SMURF1: variants seen among roughly 807,000 people sequenced by gnomAD.
The protein encoded by SMURF1 is SMAD specific E3 ubiquitin protein ligase 1, also known as E3 ubiquitin-protein ligase SMURF1.
SMURF1 carries 44 observed loss-of-function variants against 98.0 expected under a neutral mutation model. The observed-to-expected ratio is 0.45, with a 90% CI of 0.35 to 0.58. The LOEUF (loss-of-function observed/expected upper bound fraction) is 0.58. SMURF1 is among the 20% of genes least tolerant of loss of function. SMURF1 has a pLI of 0.00. For missense variants in SMURF1, 687 were observed against 938.4 expected (o/e 0.73, Z 3.50); for synonymous variants, 396 against 374.9 (o/e 1.06, Z -0.65).
At chr7:99,089,852 C>T (rs1796771843) in intron 1 of SMURF1, among the ~76,000 whole-genome samples, 1 of 152,156 alleles carries the variant, frequency 6.6e-6, no homozygotes, top group Non-Finnish European at 1.5e-5. Context: ...GCAAACCCAC[C>T]TACATGGATC....
chr7:99,066,784 G>GAAAAAAAAAA (rs111395590), intron 1 of SMURF1, among the ~76,000 whole-genome samples: 1 of 92,568 alleles, frequency 1.1e-5, no homozygotes, highest in African/African-American at 4.0e-5. Flanking sequence ...GTCTCAAAAA[G>GAAAAAAAAAA]AAAAAAAAAA....
Position 99,040,479 on chromosome 7 carries a change from G to C in SMURF1, c.1449C>G (p.Gly483=), listed in dbSNP as rs372398620. 9 of 1,589,798 alleles carry C rather than the reference G, an allele frequency of 5.7e-6. No individual in the cohort carries two copies. Among genetic ancestry groups the C allele is most frequent in the South Asian group, 1.1e-5 (1 of 87,378 alleles). ...AVFHGHYING[G]FTVPFYKQLL... is the part of the protein sequence containing the mutation. ...GCTGCTTGTAGAAGGGCACTGTGAA[G>C]CCCCCGTTGATGTAGTGTCCATGGA... The change falls in exon 13 of 18, where the codon GGC becomes GGG. Residue 483 remains glycine (G), a synonymous_variant. Transcript: ENST00000361368.
At chr7:99,042,265 G>T in intron 11 of SMURF1, 33 bp from the exon 12 acceptor site, 2 of 1,467,822 alleles carry the variant, frequency 1.4e-6, no homozygotes, top group Non-Finnish European at 9.4e-7. Context: ...CATTTGAGAC[G>T]CGCTAAAATT....
At chr7:99,035,214 C>T (rs1239629973) in intron 16 of SMURF1, among the ~76,000 whole-genome samples, 5 of 152,232 alleles carry the variant, frequency 3.3e-5, no homozygotes, top group Middle Eastern at 3.2e-3. Context: ...GCTGGCCTCA[C>T]AGACACTCTG....
rs1439013987 is a variant in SMURF1, at chr7:99,033,071, C to T, written c.2062G>A (p.Ala688Thr). Reference protein sequence around the residue: ...PRLFTIHLIDANTDNLPKAHT... With the variant: ...PRLFTIHLIDTNTDNLPKAHT... The stretch of plus-strand genomic sequence containing the variant: ...GCCTTCGGAAGGTTGTCTGTGTTCG[C>T]GTCTATCAGGTGGATGGTGAACAGC... The change falls in exon 17 of 18, where the codon GCG becomes ACG. Residue 688 changes from alanine (A) to threonine (T), a missense_variant. By Grantham distance (58) the Ala-to-Thr change is moderately conservative. Transcript: ENST00000361368. 5.0e-6 allele frequency: 8 copies of T among 1,592,904 alleles called. No homozygotes were observed. Among genetic ancestry groups the T allele is most frequent in the East Asian group, 4.5e-5 (2 of 44,044 alleles).
intron 1 of SMURF1, among the ~76,000 whole-genome samples, chr7:99,101,045 C>A (rs1026450251): frequency 6.6e-6 from 1 of 152,218 alleles, no homozygotes; most frequent in Admixed American, 6.5e-5. Flanking sequence ...GCCATCTCTT[C>A]ATTTTAGAAC....
chr7:99,057,451 A>G lies in SMURF1; in HGVS notation c.304T>C (p.Ser102Pro). Residue 102 changes from serine (S) to proline (P), a missense_variant, in exon 4 of 18, where the codon TCC (serine) becomes CCC (proline). Coordinates refer to ENST00000361368, the MANE Select transcript of SMURF1 (RefSeq NM_181349.3). ...AGFLGCVRLL[S>P]NAISRLKDTG... ...TCTTTTAATCTGCTGATGGCATTGGAGAGCAGCCGCACACAGCCCAGGAAG... is the reference window on the plus strand; with the variant it reads ...TCTTTTAATCTGCTGATGGCATTGGGGAGCAGCCGCACACAGCCCAGGAAG... The G allele has an allele frequency of 1.2e-6, 2 of 1,608,648 alleles. No homozygotes were observed. Among genetic ancestry groups the G allele is most frequent in the Non-Finnish European group, 1.7e-6 (2 of 1,178,774 alleles).
chr7:99,135,211 A>G lies in SMURF1; in HGVS notation c.55+8515T>C, dbSNP rs1189128292. 3.9e-5 allele frequency among the ~76,000 whole-genome samples: 6 copies of G among 152,232 alleles called. No homozygotes were observed. The East Asian group carries it at 9.6e-4, about 24-fold the overall frequency. On this transcript the variant is annotated intron_variant, in intron 1 of 17. Coordinates refer to ENST00000361368, the MANE Select transcript of SMURF1 (RefSeq NM_181349.3). ...TGCTCTAAGAAATTCTTATCTATTT[A>G]AGAGCTTTTTAATCTTTTTAATTGT...
At chr7:99,078,465 A>G (rs1016776417) in intron 1 of SMURF1, among the ~76,000 whole-genome samples, 1 of 152,154 alleles carries the variant, frequency 6.6e-6, no homozygotes, top group Non-Finnish European at 1.5e-5. Context: ...ACACAGCTCT[A>G]CTCACAAAAG....
intron 1 of SMURF1, among the ~76,000 whole-genome samples, chr7:99,064,354 C>T (rs1249628046): frequency 6.6e-6 from 1 of 152,164 alleles, no homozygotes; most frequent in Non-Finnish European, 1.5e-5. Context: ...ATTAATTCTT[C>T]TTTAATGTTG....
chr7:99,036,871 A>G (rs1261500965), intron 15 of SMURF1, among the ~76,000 whole-genome samples, 196 bp downstream of exon 15: 3 of 152,126 alleles, frequency 2.0e-5, no homozygotes, highest in Admixed American at 6.5e-5. Context: ...CCAAGCAGAC[A>G]TCTCGCCGGT....
At chr7:99,052,529 A>G (rs527508194) in intron 6 of SMURF1, 83 bp from the exon 7 acceptor site, 19 of 1,328,168 alleles carry the variant, frequency 1.4e-5, no homozygotes, top group Non-Finnish European at 1.9e-5. Context: ...GTCCTAGGGG[A>G]CACCGTCACA....
At chr7:99,129,250 G>A (rs568911646) in intron 1 of SMURF1, among the ~76,000 whole-genome samples, 3 of 152,214 alleles carry the variant, frequency 2.0e-5, no homozygotes, top group East Asian at 1.9e-4. Flanking sequence ...ACTTGCAAGC[G>A]GTCATCTTAG....
chr7:99,068,646 TCAACAACAACAAA>T (rs1283887588), intron 1 of SMURF1, among the ~76,000 whole-genome samples: 2 of 152,148 alleles, frequency 1.3e-5, no homozygotes, highest in African/African-American at 2.4e-5. Context: ...TGCAAAAACA[TCAACAACAACAAA>T]CAACAACAAC....
chr7:99,037,712 A>ACAGGAGGATTGAACCTGATCTGT (rs1380929428), intron 14 of SMURF1, among the ~76,000 whole-genome samples: 17 of 152,198 alleles, frequency 1.1e-4, no homozygotes, highest in Non-Finnish European at 1.8e-4. Context: ...GCTCGCGAAA[A>ACAGGAGGATTGAACCTGATCTGT]CAGGAGGATT....
chr7:99,091,381 G>A (rs755398976), intron 1 of SMURF1, among the ~76,000 whole-genome samples: 11 of 152,172 alleles, frequency 7.2e-5, no homozygotes, highest in East Asian at 1.9e-4. Context: ...AAATTGCTAC[G>A]TTGTAGTCTA....
intron 1 of SMURF1, among the ~76,000 whole-genome samples, chr7:99,076,837 GTGTA>G (rs35982661): frequency 0.39 from 58,964 of 151,682 alleles, 14,066 homozygotes; most frequent in Non-Finnish European, 0.53. Flanking sequence ...GTGTGCCCAT[GTGTA>G]TGTGTGTGCA....
In SMURF1 at chr7:99,052,567, G is replaced by A. The variant is rs376474741; in HGVS notation, c.480-121C>T. ...AATTGATTTGCTTTCCTTTAACAAC[G>A]TCCAGTGTTCCAAGGGCCTAGTTTT... On this transcript the variant is annotated intron_variant, in intron 6 of 17. Transcript: ENST00000361368. 2.8e-5 allele frequency: 31 copies of A among 1,112,838 alleles called. 1 individual carries two copies. In the South Asian group the frequency reaches 5.9e-4, roughly 21 times the overall value. 68.9% of individuals were successfully genotyped at this position (1,112,838 alleles called of 1,614,324 possible). A position where few individuals can be genotyped will look rare whatever the true frequency, so the allele number is the denominator to read the frequency against.
intron 6 of SMURF1, among the ~76,000 whole-genome samples, chr7:99,053,280 A>C (rs1241163044): frequency 6.6e-6 from 1 of 152,146 alleles, no homozygotes; most frequent in Non-Finnish European, 1.5e-5. Context: ...AATATGTATA[A>C]AAAATGAGAG....
Sources: gnomAD v4.1 joint callset for allele counts (sites outside exome capture counted in the v4.1 genomes callset) on GRCh38, gnomAD v4.1.1 for gene constraint, MANE v1.5 for transcripts, NCBI Gene and HGNC (gene_info 2026-07-23, HGNC 2026-07-21) for gene names.